The following GABRA2 variants were observed in gnomAD, a reference collection of about 807,000 sequenced individuals.
GABRA2 encodes the protein gamma-aminobutyric acid type A receptor subunit alpha2.
GABRA2 carries 16 observed loss-of-function variants against 48.7 expected under a neutral mutation model. That is an observed-to-expected ratio of 0.33 (90% CI 0.22 to 0.50). GABRA2 has a LOEUF of 0.50. Ranked by LOEUF, GABRA2 falls within the 20% of genes least tolerant of loss-of-function variation. GABRA2 has a pLI of 0.98. For missense variants in GABRA2, 275 were observed against 535.6 expected, an observed-to-expected ratio of 0.51 and a Z score of 4.80; for synonymous variants, 185 against 184.5, an observed-to-expected ratio of 1.00 and a Z score of -0.02.
chr4:46,366,098 TTCTCA>T (rs1270702522), intron 3 of GABRA2: 1 of 152,208 alleles, frequency 6.6e-6, no homozygotes, highest in East Asian at 1.9e-4. Context: ...TCTTATCTCC[TTCTCA>T]TTAGCTATTC....
At chr4:46,342,528 C>A (rs1733416980) in intron 3 of GABRA2, among the ~76,000 whole-genome samples, 1 of 152,058 alleles carries the variant, frequency 6.6e-6, no homozygotes, top group Non-Finnish European at 1.5e-5. Context: ...TTATTGCCCT[C>A]ACTAACTGCT....
At chr4:46,337,145 A>G (rs1732384735) in intron 3 of GABRA2, among the ~76,000 whole-genome samples, 1 of 152,144 alleles carries the variant, frequency 6.6e-6, no homozygotes, top group Admixed American at 6.6e-5. Flanking sequence ...CATAATAGAA[A>G]AAAAGCATTT....
intron 3 of GABRA2, among the ~76,000 whole-genome samples, chr4:46,336,735 T>C (rs1053656050): frequency 6.6e-6 from 1 of 152,144 alleles, no homozygotes; most frequent in African/African-American, 2.4e-5. Context: ...AGACATGTAC[T>C]GAGGAACACA....
intron 3 of GABRA2, among the ~76,000 whole-genome samples, chr4:46,374,079 A>G (rs2110011460): frequency 1.3e-5 from 2 of 152,294 alleles, no homozygotes; most frequent in Middle Eastern, 3.4e-3. Context: ...CACAGTAACA[A>G]CAGTGAATTT....
chr4:46,389,677 C>A, intron 1 of GABRA2, 58 bp downstream of exon 1: 3 of 942,636 alleles, frequency 3.2e-6, no homozygotes, highest in Non-Finnish European at 3.8e-6. Context: ...GAGGCATGCA[C>A]GCGAGGCAAA....
At chr4:46,364,263 C>T (rs939838078) in intron 3 of GABRA2, 2 of 152,178 alleles carry the variant, frequency 1.3e-5, no homozygotes, top group African/African-American at 2.4e-5. Flanking sequence ...TCTTACAGTA[C>T]TTTGAAATAA....
chr4:46,376,704 T>A (rs566590733), intron 3 of GABRA2, among the ~76,000 whole-genome samples: 1 of 151,726 alleles, frequency 6.6e-6, no homozygotes, highest in South Asian at 2.1e-4. Context: ...CATAGTGAGA[T>A]CCTGTGTCTA....
At chr4:46,281,369 G>T (rs1204173656) in intron 8 of GABRA2, among the ~76,000 whole-genome samples, 2 of 152,084 alleles carry the variant, frequency 1.3e-5, no homozygotes, top group Admixed American at 6.6e-5. Context: ...AGTATAGATA[G>T]AAAAAATAAT....
At position 46,310,198 on chromosome 4, in the gene GABRA2, A is replaced by G; in HGVS notation, c.534T>C (p.His178=). 4 of 1,613,610 alleles carry G rather than the reference A, an allele frequency of 2.5e-6. No individual in the cohort carries two copies. Among genetic ancestry groups the G allele is most frequent in the Non-Finnish European group, 3.4e-6 (4 of 1,179,624 alleles). ...AGCTGCCAAATTTCAGAGGACATGA[A>G]TGAGCATCCATTGGGAAATCCTCCA... The part of the protein sequence containing the change: ...MHLEDFPMDA[H]SCPLKFGSYA... The change falls in exon 6 of 10, where the codon CAT becomes CAC. Residue 178 remains histidine (H), a synonymous_variant. Transcript: ENST00000381620.
intron 3 of GABRA2, among the ~76,000 whole-genome samples, chr4:46,343,884 G>A (rs1733707919): frequency 6.6e-6 from 1 of 151,850 alleles, no homozygotes; most frequent in African/African-American, 2.4e-5. Flanking sequence ...TGATTCCACT[G>A]AATAATAACT....
At chr4:46,292,376 C>T (rs1167424986) in intron 8 of GABRA2, among the ~76,000 whole-genome samples, 3 of 152,192 alleles carry the variant, frequency 2.0e-5, no homozygotes, top group Admixed American at 2.0e-4. Context: ...ACGAAAGGTG[C>T]ATGTGCAGCC....
chr4:46,281,548 C>T (rs1172919229), intron 8 of GABRA2, among the ~76,000 whole-genome samples: 2 of 152,100 alleles, frequency 1.3e-5, no homozygotes, highest in Non-Finnish European at 2.9e-5. Context: ...TTGCATTTCT[C>T]ATTTAGTAGA....
At chr4:46,383,478 T>C (rs939694283) in intron 3 of GABRA2, among the ~76,000 whole-genome samples, 2 of 152,182 alleles carry the variant, frequency 1.3e-5, no homozygotes, top group African/African-American at 2.4e-5. Flanking sequence ...TCAACATTTA[T>C]TTTATGACCA....
At chr4:46,256,360 T>C in intron 9 of GABRA2, 1 of 658,198 alleles carries the variant, frequency 1.5e-6, no homozygotes, top group East Asian at 2.8e-5. Context: ...TGCCTTCAGC[T>C]TTTATTGAAG....
chr4:46,289,177 C>T (rs1723112158), intron 8 of GABRA2, among the ~76,000 whole-genome samples: 1 of 151,882 alleles, frequency 6.6e-6, no homozygotes, highest in East Asian at 1.9e-4. Flanking sequence ...ATAGAAATAC[C>T]ATTTGTCCCG....
chr4:46,342,377 C>A (rs904001864), intron 3 of GABRA2, among the ~76,000 whole-genome samples: 3 of 151,946 alleles, frequency 2.0e-5, no homozygotes, highest in Admixed American at 6.6e-5. Flanking sequence ...TCTCTTAAAT[C>A]AGAAATCAGA....
At chr4:46,343,943 A>C (rs426463) in intron 3 of GABRA2, among the ~76,000 whole-genome samples, 70,034 of 151,198 alleles carry the variant, frequency 0.46, 16,331 homozygotes, top group East Asian at 0.56. Flanking sequence ...ATCCCTAAAA[A>C]GAGAAAAGTA....
chr4:46,291,449 G>C (rs887546675), intron 8 of GABRA2, among the ~76,000 whole-genome samples: 1 of 152,138 alleles, frequency 6.6e-6, no homozygotes, highest in Non-Finnish European at 1.5e-5. Flanking sequence ...GGGTGCGTCT[G>C]TGAGGGTGTT....
intron 8 of GABRA2, among the ~76,000 whole-genome samples, chr4:46,268,433 A>G (rs559436326): frequency 3.9e-5 from 6 of 151,940 alleles, no homozygotes; most frequent in Non-Finnish European, 7.4e-5. Flanking sequence ...TGACAGATAC[A>G]TGAAAAAAAT....
Sources: gnomAD v4.1 joint callset for allele counts (sites outside exome capture counted in the v4.1 genomes callset) on GRCh38, gnomAD v4.1.1 for gene constraint, MANE v1.5 for transcripts, NCBI Gene and HGNC (gene_info 2026-07-23, HGNC 2026-07-21) for gene names.